The following NDUFB2 variants were observed in gnomAD, a reference collection of about 807,000 sequenced individuals.
NDUFB2 encodes the protein NADH dehydrogenase [ubiquinone] 1 beta subcomplex subunit 2, mitochondrial.
In NDUFB2, 13 loss-of-function variants were observed where a neutral mutation model predicts 13.4. The observed-to-expected ratio is 0.97, with a 90% CI of 0.63 to 1.54. NDUFB2 has a LOEUF of 1.54. Ranked by LOEUF, NDUFB2 falls within the 40% of genes most tolerant of loss-of-function variation. The pLI, the probability that NDUFB2 is intolerant of heterozygous loss-of-function variation, is 0.00. For missense variants in NDUFB2, 150 were observed against 139.7 expected, an observed-to-expected ratio of 1.07 and a Z score of -0.37; for synonymous variants, 47 against 50.6, an observed-to-expected ratio of 0.93 and a Z score of 0.30.
Position 140,698,611 on chromosome 7 carries a change from C to T in NDUFB2, c.98+1769C>T, listed in dbSNP as rs138908843. On this transcript the variant is annotated intron_variant, in intron 1 of 3. Transcript: ENST00000247866. ...GGATGAGAAGTCAGCCATGCAGAGA[C>T]CTCAAGGGAAGAGCCCGGTGGACAT... Among the ~76,000 whole-genome samples the T allele has an allele frequency of 2.6e-4, 40 of 152,076 alleles. No homozygotes were observed. The East Asian group carries it at 7.4e-3, about 28-fold the overall frequency.
At chr7:140,696,893 CGG>C in intron 1 of NDUFB2, 51 bp downstream of exon 1, 1 of 1,519,202 alleles carries the variant, frequency 6.6e-7, no homozygotes, top group Non-Finnish European at 9.0e-7. Flanking sequence ...GCGGACAGCG[CGG>C]GTCCCTGGGA....
intron 1 of NDUFB2, chr7:140,701,797 A>G (rs920254097): frequency 6.8e-5 from 23 of 340,236 alleles, no homozygotes; most frequent in African/African-American, 3.9e-4. Context: ...TTAGCTGGGC[A>G]TGGTGGCGTA....
At position 140,706,060 on chromosome 7, in the gene NDUFB2, T is replaced by TATGTTTTATGTTATGTTATGTTATG. The variant is rs1402496959; in HGVS notation, c.*30-503_*30-502insATGTTTTATGTTATGTTATGTTATG. 418 of 125,100 alleles carry TATGTTTTATGTTATGTTATGTTATG rather than the reference T, an allele frequency of 3.3e-3. 4 individuals are homozygous for TATGTTTTATGTTATGTTATGTTATG. Among genetic ancestry groups the TATGTTTTATGTTATGTTATGTTATG allele is most frequent in the African/African-American group, 0.014 (391 of 28,648 alleles). The allele number at this position is 125,100 out of a possible 1,614,324, so 7.7% of individuals were successfully genotyped here. A position where few individuals can be genotyped will look rare whatever the true frequency, so the allele number is the denominator to read the frequency against. On this transcript the variant is annotated intron_variant, in intron 3 of 3. Coordinates refer to ENST00000247866, the MANE Select transcript of NDUFB2 (RefSeq NM_004546.3). The stretch of plus-strand genomic sequence containing the variant: ...TATGTTATGTTATGTTATGTTATGT[T>TATGTTTTATGTTATGTTATGTTATG]TTATGTTATGTTATGTTATGTTATG...
Position 140,704,975 on chromosome 7 carries a change from C to G in NDUFB2, c.*29+12C>G, listed in dbSNP as rs774190887. 8.8e-6 allele frequency: 12 copies of G among 1,358,720 alleles called. No individual in the cohort carries two copies. The Admixed American group carries it at 2.8e-4, about 32-fold the overall frequency. The allele number at this position is 1,358,720 out of a possible 1,614,324, so 84.2% of individuals were successfully genotyped here. ...CTCACTCTGTACAAGTGGGTGTGCT[C>G]CAAATTTCTTTATGTCATATTTACC... On this transcript the variant is annotated intron_variant, in intron 3 of 3. Transcript: ENST00000247866.
At chr7:140,705,333 C>T in intron 3 of NDUFB2, 1 of 155,174 alleles carries the variant, frequency 6.4e-6, no homozygotes, top group East Asian at 1.9e-4. Flanking sequence ...CTTCTGACCT[C>T]AAGTGATCTG....
intron 3 of NDUFB2, 161 bp downstream of exon 3, chr7:140,705,124 G>T: frequency 2.4e-6 from 1 of 421,714 alleles, no homozygotes; most frequent in Non-Finnish European, 4.1e-6. Context: ...TTTTGAGACA[G>T]AGTCTTGCTC....
intron 2 of NDUFB2, among the ~76,000 whole-genome samples, chr7:140,703,762 T>G (rs1370154194): frequency 1.3e-5 from 2 of 151,982 alleles, no homozygotes; most frequent in African/African-American, 4.8e-5. Flanking sequence ...TCTATTTTAT[T>G]TATTTATTTT....
chr7:140,701,967 C>A, intron 1 of NDUFB2: 1 of 684,528 alleles, frequency 1.5e-6, no homozygotes, highest in Non-Finnish European at 2.7e-6. Context: ...ACAGTCCTAG[C>A]TAACATGTAT....
intron 1 of NDUFB2, among the ~76,000 whole-genome samples, chr7:140,701,670 C>A (rs576629984): frequency 1.6e-4 from 24 of 152,046 alleles, no homozygotes; most frequent in Non-Finnish European, 1.0e-4. Context: ...ACGTGGCTCA[C>A]GCCTGTAATC....
Position 140,704,871 on chromosome 7 carries a change from G to T in NDUFB2, c.255G>T (p.Pro85=), listed in dbSNP as rs181488092. ...HDSEEVLGHF[P]YPDPSQWTDE... is the part of the protein sequence containing the mutation. ...ATGGTTGTCACCAGGGTCACTTTCC[G>T]TATCCTGATCCTTCCCAGTGGACAG... The change falls in exon 3 of 4, where the codon CCG becomes CCT. Residue 85 remains proline, a synonymous_variant. Coordinates refer to ENST00000247866, the MANE Select transcript of NDUFB2 (RefSeq NM_004546.3). 4 of 1,591,412 alleles carry T rather than the reference G, an allele frequency of 2.5e-6. No homozygotes were observed. The highest frequency in any genetic ancestry group is 1.4e-5 in the African/African-American group (1 of 73,346).
intron 3 of NDUFB2, chr7:140,705,745 A>G (rs1320178508): frequency 2.0e-5 from 3 of 152,396 alleles, no homozygotes; most frequent in South Asian, 4.1e-4. Flanking sequence ...AACAGGACAG[A>G]TGGAGCTTAC....
chr7:140,705,138 C>T (rs563265311), intron 3 of NDUFB2, 175 bp downstream of exon 3: 16 of 385,108 alleles, frequency 4.2e-5, no homozygotes, highest in African/African-American at 1.7e-4. Flanking sequence ...CTTGCTCTGT[C>T]GCCCAGACTG....
chr7:140,697,183 G>C, intron 1 of NDUFB2: 2 of 612,082 alleles, frequency 3.3e-6, no homozygotes, highest in South Asian at 1.9e-5. Flanking sequence ...GTGCGCGGCG[G>C]GTGTGGACGC....
intron 3 of NDUFB2, chr7:140,705,279 T>G: frequency 6.0e-6 from 1 of 165,782 alleles, no homozygotes; most frequent in East Asian, 1.7e-4. Context: ...TTTGTATTTT[T>G]AGTAGAGGCA....
At chr7:140,698,398 ATGAAG>A in intron 1 of NDUFB2, 1 of 1,155,054 alleles carries the variant, frequency 8.7e-7, no homozygotes, top group Non-Finnish European at 1.1e-6. Context: ...ACGAGAGAGA[ATGAAG>A]TGTACATTCT....
intron 1 of NDUFB2, chr7:140,698,256 G>C (rs754674043): frequency 7.4e-7 from 1 of 1,351,454 alleles, no homozygotes; most frequent in Non-Finnish European, 9.8e-7. Flanking sequence ...GGGGAATGCC[G>C]ATCTTCCCTG....
chr7:140,704,288 C>T (rs1190060627), intron 2 of NDUFB2, among the ~76,000 whole-genome samples: 4 of 152,166 alleles, frequency 2.6e-5, no homozygotes, highest in African/African-American at 7.2e-5. Context: ...TAGAACTTCT[C>T]TGTGCCGTTG....
chr7:140,702,055 G>GT (rs1794905650), intron 1 of NDUFB2: 1 of 702,280 alleles, frequency 1.4e-6, no homozygotes. Context: ...TTTCCTACAG[G>GT]TACGAATTTC....
chr7:140,699,333 G>T (rs1234246245), intron 1 of NDUFB2, among the ~76,000 whole-genome samples: 1 of 151,712 alleles, frequency 6.6e-6, no homozygotes. Context: ...TATGTTTTTT[G>T]ATCTTGAGCT....
Sources: gnomAD v4.1 joint callset for allele counts (sites outside exome capture counted in the v4.1 genomes callset) on GRCh38, gnomAD v4.1.1 for gene constraint, MANE v1.5 for transcripts, NCBI Gene and HGNC (gene_info 2026-07-23, HGNC 2026-07-21) for gene names.